Variants in CAP2 observed in about 807,000 individuals in gnomAD.
CAP2 encodes the protein adenylyl cyclase-associated protein 2.
Under a neutral mutation model 57.7 loss-of-function variants are expected in CAP2, and 24 were observed. The observed-to-expected ratio is 0.42, with a 90% CI of 0.30 to 0.58. The LOEUF (loss-of-function observed/expected upper bound fraction) is 0.58, where lower values mean the gene tolerates loss of function less well. Among genes scored for constraint, CAP2 ranks in the 20% least tolerant of loss-of-function variants. CAP2 has a pLI of 0.22. For synonymous variants in CAP2, 194 were observed against 207.2 expected (o/e 0.94, Z 0.55); for missense variants, 501 against 590.3 (o/e 0.85, Z 1.57).
At chr6:17,493,248 T>C (rs906385835) in intron 4 of CAP2, 4 of 183,360 alleles carry the variant, frequency 2.2e-5, no homozygotes, top group Non-Finnish European at 4.8e-5. Context: ...AGTATAAAAA[T>C]GCAAGCTAGA....
At chr6:17,438,892 G>C (rs1055705791) in intron 3 of CAP2, among the ~76,000 whole-genome samples, 6 of 150,278 alleles carry the variant, frequency 4.0e-5, no homozygotes, top group Admixed American at 1.3e-4. Context: ...GTGGGCAGAT[G>C]ACGATGTCAG....
intron 4 of CAP2, among the ~76,000 whole-genome samples, chr6:17,474,197 T>G (rs1456431139): frequency 7.9e-4 from 117 of 147,212 alleles, no homozygotes; most frequent in African/African-American, 2.7e-3. Flanking sequence ...TTTTTTTTTT[T>G]TTTTTTTTTT....
At chr6:17,451,834 A>G (rs1260781141) in intron 3 of CAP2, among the ~76,000 whole-genome samples, 1 of 147,364 alleles carries the variant, frequency 6.8e-6, no homozygotes, top group African/African-American at 2.7e-5. Flanking sequence ...TGATTATAAA[A>G]TTGTGTAATA....
chr6:17,425,317 G>T (rs1344881873), intron 2 of CAP2, among the ~76,000 whole-genome samples: 1 of 152,170 alleles, frequency 6.6e-6, no homozygotes, highest in African/African-American at 2.4e-5. Context: ...CACCTGTTGG[G>T]CAGTTGCCAC....
At chr6:17,424,303 G>A (rs1277944242) in intron 2 of CAP2, among the ~76,000 whole-genome samples, 1 of 152,136 alleles carries the variant, frequency 6.6e-6, no homozygotes, top group African/African-American at 2.4e-5. Context: ...GGGAGGCTGA[G>A]GCAGGAAAAT....
chr6:17,543,811 G>C (rs1055244411), intron 11 of CAP2, among the ~76,000 whole-genome samples: 3 of 151,436 alleles, frequency 2.0e-5, no homozygotes, highest in African/African-American at 7.3e-5. Context: ...TCCATTACTG[G>C]CATACCATCT....
chr6:17,529,651 A>AAAAAAAAATATATATAT (rs10656588), intron 7 of CAP2, among the ~76,000 whole-genome samples: 38 of 134,534 alleles, frequency 2.8e-4, no homozygotes, highest in African/African-American at 1.0e-3. Flanking sequence ...AAAAAAAAAA[A>AAAAAAAAATATATATAT]ATATATATAT....
At chr6:17,418,438 A>G (rs1032249349) in intron 1 of CAP2, among the ~76,000 whole-genome samples, 1 of 152,294 alleles carries the variant, frequency 6.6e-6, no homozygotes, top group East Asian at 1.9e-4. Flanking sequence ...TTCCACACCA[A>G]TCTGTCCAGC....
intron 3 of CAP2, among the ~76,000 whole-genome samples, chr6:17,427,547 C>T (rs574219076): frequency 4.0e-5 from 6 of 151,220 alleles, no homozygotes; most frequent in East Asian, 1.9e-4. Flanking sequence ...GGAGCCTCTA[C>T]GCACTGTTGA....
intron 1 of CAP2, among the ~76,000 whole-genome samples, chr6:17,400,783 T>G (rs1758789912): frequency 6.6e-6 from 1 of 150,760 alleles, no homozygotes; most frequent in African/African-American, 2.4e-5. Flanking sequence ...GAGAATGGCG[T>G]GAACCCAGGA....
At chr6:17,531,888 C>A (rs970211504) in intron 7 of CAP2, among the ~76,000 whole-genome samples, 1 of 152,098 alleles carries the variant, frequency 6.6e-6, no homozygotes, top group African/African-American at 2.4e-5. Context: ...TCATATCACA[C>A]TTCATCTACA....
chr6:17,512,433 A>G (rs889077119), intron 6 of CAP2, among the ~76,000 whole-genome samples: 2 of 152,160 alleles, frequency 1.3e-5, no homozygotes, highest in South Asian at 2.1e-4. Flanking sequence ...TTGAATGTCA[A>G]CATGCTATTT....
intron 4 of CAP2, among the ~76,000 whole-genome samples, chr6:17,467,068 C>T (rs1760884505): frequency 6.6e-6 from 1 of 152,024 alleles, no homozygotes; most frequent in Non-Finnish European, 1.5e-5. Context: ...GGAGAACCTT[C>T]CAGGGAGTCC....
chr6:17,485,827 A>G (rs986558294), intron 4 of CAP2, among the ~76,000 whole-genome samples: 1 of 152,190 alleles, frequency 6.6e-6, no homozygotes, highest in Non-Finnish European at 1.5e-5. Context: ...CTACCTCTCC[A>G]TGGCAGGCTC....
At chr6:17,398,272 A>C (rs1365057324) in intron 1 of CAP2, among the ~76,000 whole-genome samples, 11 of 152,134 alleles carry the variant, frequency 7.2e-5, no homozygotes, top group Non-Finnish European at 7.4e-5. Context: ...CCTCATTAAA[A>C]GTTGCCTCGT....
intron 1 of CAP2, among the ~76,000 whole-genome samples, chr6:17,400,024 T>A (rs1345972394): frequency 6.6e-6 from 1 of 151,230 alleles, no homozygotes; most frequent in African/African-American, 2.4e-5. Flanking sequence ...ATTGAGACCA[T>A]GCTGGCTAAC....
intron 7 of CAP2, among the ~76,000 whole-genome samples, chr6:17,515,827 C>T (rs139117287): frequency 1.3e-5 from 2 of 152,246 alleles, no homozygotes; most frequent in Admixed American, 1.3e-4. Flanking sequence ...CTTTAATTCC[C>T]ATGTGAGATG....
At chr6:17,555,228 CTT>C (rs1289236259) in intron 12 of CAP2, among the ~76,000 whole-genome samples, 4 of 150,938 alleles carry the variant, frequency 2.7e-5, no homozygotes, top group African/African-American at 9.7e-5. Flanking sequence ...GAGTTTTGCT[CTT>C]GTTGCCCAGG....
At chr6:17,436,119 TTCCC>T (rs1459770967) in intron 3 of CAP2, among the ~76,000 whole-genome samples, 12 of 145,018 alleles carry the variant, frequency 8.3e-5, no homozygotes, top group African/African-American at 2.5e-4. Context: ...CCTTCCTTCC[TTCCC>T]TCCTTCCTTC....
Sources: gnomAD v4.1 joint callset for allele counts (sites outside exome capture counted in the v4.1 genomes callset) on GRCh38, gnomAD v4.1.1 for gene constraint, MANE v1.5 for transcripts, NCBI Gene and HGNC (gene_info 2026-07-23, HGNC 2026-07-21) for gene names.